The following SLC1A1 variants were observed in gnomAD, a reference collection of about 807,000 sequenced individuals.
SLC1A1 encodes excitatory amino acid transporter 3.
A neutral mutation model predicts 53.3 loss-of-function variants in SLC1A1; 43 were observed. The ratio of observed to expected loss-of-function variants is 0.81; its 90% CI spans 0.63 to 1.04. The LOEUF (loss-of-function observed/expected upper bound fraction) is 1.04. Among genes scored for constraint, SLC1A1 ranks in the 50% least tolerant of loss-of-function variants. The pLI is 0.00. For synonymous variants in SLC1A1, 307 were observed against 243.2 expected (o/e 1.26, Z -2.44); for missense variants, 748 against 664.9 (o/e 1.12, Z -1.37).
chr9:4,519,372 G>A (rs1224784183), intron 1 of SLC1A1, among the ~76,000 whole-genome samples: 1 of 152,158 alleles, frequency 6.6e-6, no homozygotes, highest in Non-Finnish European at 1.5e-5. Context: ...CCTCACTCAA[G>A]TTTTTAGATA....
chr9:4,537,046 A>G (rs1199190114), intron 1 of SLC1A1, among the ~76,000 whole-genome samples: 1 of 151,100 alleles, frequency 6.6e-6, no homozygotes, highest in African/African-American at 2.4e-5. Context: ...CCTGTTGTGG[A>G]GTGGGGGGAG....
At chr9:4,518,392 G>C (rs1815940845) in intron 1 of SLC1A1, among the ~76,000 whole-genome samples, 1 of 150,960 alleles carries the variant, frequency 6.6e-6, no homozygotes, top group Non-Finnish European at 1.5e-5. Flanking sequence ...TTTGAGATAA[G>C]GTCTCACTCT....
intron 10 of SLC1A1, among the ~76,000 whole-genome samples, chr9:4,582,385 C>G (rs1288285085): frequency 6.6e-6 from 1 of 152,192 alleles, no homozygotes; most frequent in Non-Finnish European, 1.5e-5. Flanking sequence ...ACAGGATCAG[C>G]TATTTCTCAA....
At chr9:4,495,036 A>T (rs1334826470) in intron 1 of SLC1A1, among the ~76,000 whole-genome samples, 1 of 152,172 alleles carries the variant, frequency 6.6e-6, no homozygotes, top group African/African-American at 2.4e-5. Flanking sequence ...TTCTGATTCC[A>T]TTATCTAAAA....
intron 2 of SLC1A1, chr9:4,554,327 A>G (rs1303928536): frequency 1.3e-5 from 2 of 152,218 alleles, no homozygotes. Context: ...TGTGCTGGGC[A>G]CTGAGTATAC....
In SLC1A1 at chr9:4,510,578, A is replaced by C. The variant is rs1186418754; in HGVS notation, c.91+19808A>C. 3.3e-5 allele frequency among the ~76,000 whole-genome samples: 5 copies of C among 152,204 alleles called. No individual in the cohort carries two copies. The East Asian group carries it at 7.7e-4, about 23-fold the overall frequency. On this transcript the variant is annotated intron_variant, in intron 1 of 11. Transcript: ENST00000262352. ...TCATCTGGACCTGTTGTCTCCTTACATACAGTCTCTTTACACCTGTGTCAT... is the reference window on the plus strand; with the variant it reads ...TCATCTGGACCTGTTGTCTCCTTACCTACAGTCTCTTTACACCTGTGTCAT...
At chr9:4,519,562 GTTA>G (rs1418608347) in intron 1 of SLC1A1, among the ~76,000 whole-genome samples, 1 of 152,172 alleles carries the variant, frequency 6.6e-6, no homozygotes, top group Non-Finnish European at 1.5e-5. Flanking sequence ...ATTATCTGTT[GTTA>G]TTATTCAATC....
In SLC1A1 at chr9:4,549,113, C is replaced by T. The variant is rs1253872323; in HGVS notation, c.232+4406C>T. Among the ~76,000 whole-genome samples, 2 of 152,174 alleles carry T rather than the reference C, an allele frequency of 1.3e-5. No homozygotes were observed. The highest frequency in any genetic ancestry group is 3.8e-4 in the East Asian group (2 of 5,204). On this transcript the variant is annotated intron_variant, in intron 2 of 11. Transcript: ENST00000262352. The surrounding 1 kb of genome is among the most constrained non-coding windows in gnomAD (Gnocchi z 4.1). ...AATTAAACTATGATGATTGGAGCCT[C>T]CTATGACCAACACAGGGACAGAACA... is the stretch of plus-strand genomic sequence containing the variant.
intron 1 of SLC1A1, among the ~76,000 whole-genome samples, chr9:4,528,086 GGGATATTA>G (rs1314126762): frequency 2.0e-5 from 3 of 152,140 alleles, no homozygotes; most frequent in Admixed American, 6.5e-5. Context: ...TGTTATGCCA[GGGATATTA>G]GGAGCATGGA....
At chr9:4,503,357 T>C (rs1440581486) in intron 1 of SLC1A1, among the ~76,000 whole-genome samples, 1 of 151,932 alleles carries the variant, frequency 6.6e-6, no homozygotes, top group Non-Finnish European at 1.5e-5. Context: ...TGAATTTAAA[T>C]TGAGCAAGTA....
chr9:4,533,758 T>C (rs1441034556), intron 1 of SLC1A1, among the ~76,000 whole-genome samples: 1 of 152,150 alleles, frequency 6.6e-6, no homozygotes, highest in African/African-American at 2.4e-5. Flanking sequence ...CAACAGAATA[T>C]ACATTCTTCT....
chr9:4,500,998 T>C (rs1820611681), intron 1 of SLC1A1, among the ~76,000 whole-genome samples: 1 of 151,792 alleles, frequency 6.6e-6, no homozygotes, highest in South Asian at 2.1e-4. Flanking sequence ...CTACCACTAA[T>C]CCCCAGACCC....
intron 1 of SLC1A1, among the ~76,000 whole-genome samples, chr9:4,497,352 G>T (rs1331399550): frequency 2.0e-5 from 3 of 152,068 alleles, no homozygotes; most frequent in African/African-American, 7.2e-5. Context: ...ATCCTCTCCC[G>T]CTGCTGTGTG....
chr9:4,510,125 C>T (rs996040289), intron 1 of SLC1A1, among the ~76,000 whole-genome samples: 6 of 152,308 alleles, frequency 3.9e-5, no homozygotes, highest in South Asian at 2.1e-4. Context: ...TGAGCCACTA[C>T]GCCCAGTCTA....
At chr9:4,536,309 A>G (rs911406120) in intron 1 of SLC1A1, among the ~76,000 whole-genome samples, 5 of 151,918 alleles carry the variant, frequency 3.3e-5, no homozygotes, top group African/African-American at 9.7e-5. Context: ...ACAAAGGGCT[A>G]ATACCCAGAA....
At chr9:4,574,830 G>C (rs368968628) in intron 8 of SLC1A1, among the ~76,000 whole-genome samples, 3 of 152,202 alleles carry the variant, frequency 2.0e-5, no homozygotes, top group Non-Finnish European at 4.4e-5. Context: ...GAACTTGATC[G>C]TATTGGAGAT....
Position 4,574,014 on chromosome 9 carries a change from G to T in SLC1A1, c.875G>T (p.Gly292Val), listed in dbSNP as rs1233289323. ...CTTTACATGGCCACAGTCCTGACTG[G>T]GTATGTCAGACTCAAGAGAAGAGAC... is the stretch of plus-strand genomic sequence containing the variant. ...LGLYMATVLT[G>V]LAIHSIVILP... Residue 292 changes from glycine (G) to valine (V), a missense_variant and splice_region_variant, in exon 8 of 12, where the codon GGG becomes GTG. By Grantham distance (109) the Gly-to-Val change is moderately radical (BLOSUM62 -3). Transcript: ENST00000262352. 1.3e-6 allele frequency: 2 copies of T among 1,592,670 alleles called. No homozygotes were observed. Among genetic ancestry groups the T allele is most frequent in the Admixed American group, 1.7e-5 (1 of 60,000 alleles).
intron 1 of SLC1A1, among the ~76,000 whole-genome samples, chr9:4,503,696 A>G (rs572538617): frequency 2.4e-4 from 36 of 152,036 alleles, no homozygotes; most frequent in Non-Finnish European, 4.3e-4. Flanking sequence ...AATTTAATAT[A>G]TGTGTTGCTG....
At chr9:4,527,543 A>G (rs529469145) in intron 1 of SLC1A1, among the ~76,000 whole-genome samples, 18 of 152,296 alleles carry the variant, frequency 1.2e-4, no homozygotes, top group Non-Finnish European at 1.9e-4. Flanking sequence ...CTGTTATGGT[A>G]TACTACATTT....
Sources: gnomAD v4.1 joint callset for allele counts (sites outside exome capture counted in the v4.1 genomes callset) on GRCh38, gnomAD v4.1.1 for gene constraint, Gnocchi (gnomAD v3.1) non-coding constraint, MANE v1.5 for transcripts, NCBI Gene and HGNC (gene_info 2026-07-23, HGNC 2026-07-21) for gene names.